Variants in KATNIP observed in about 807,000 individuals in gnomAD.
KATNIP encodes katanin interacting protein, also known as katanin-interacting protein.
In KATNIP, 126 loss-of-function variants were observed where a neutral mutation model predicts 174.0. The ratio of observed to expected loss-of-function variants is 0.72; its 90% CI spans 0.63 to 0.84. The LOEUF is 0.84. Ranked by LOEUF, KATNIP falls within the 40% of genes least tolerant of loss-of-function variation. The pLI is 0.00. For missense variants in KATNIP, 1,958 were observed against 2,109.7 expected, an observed-to-expected ratio of 0.93 and a Z score of 1.41; for synonymous variants, 810 against 835.7, an observed-to-expected ratio of 0.97 and a Z score of 0.53.
At chr16:27,680,340 G>A (rs186225441) in intron 7 of KATNIP, among the ~76,000 whole-genome samples, 1,847 of 152,234 alleles carry the variant, frequency 0.012, 50 homozygotes, top group African/African-American at 0.042. Flanking sequence ...CAGGGGAGAC[G>A]GGGAGGGAGG....
At chr16:27,678,359 C>T (rs1338121744) in intron 7 of KATNIP, among the ~76,000 whole-genome samples, 1 of 151,984 alleles carries the variant, frequency 6.6e-6, no homozygotes, top group East Asian at 1.9e-4. Context: ...CATTTTCTCC[C>T]CTCTCCCTCT....
intron 3 of KATNIP, among the ~76,000 whole-genome samples, chr16:27,621,364 C>A (rs551582678): frequency 4.6e-5 from 7 of 152,048 alleles, no homozygotes; most frequent in East Asian, 1.9e-4. Flanking sequence ...TAATCAAAAT[C>A]GACTATTCTC....
chr16:27,635,944 A>G (rs1191817290), intron 5 of KATNIP, among the ~76,000 whole-genome samples: 1 of 152,190 alleles, frequency 6.6e-6, no homozygotes, highest in Admixed American at 6.5e-5. Context: ...ACCTGAGCTC[A>G]GGAGTTCAAG....
At chr16:27,602,389 C>T (rs1176555117) in intron 2 of KATNIP, among the ~76,000 whole-genome samples, 1 of 152,328 alleles carries the variant, frequency 6.6e-6, no homozygotes, top group Admixed American at 6.5e-5. Flanking sequence ...TCTCCTCCCA[C>T]TCCCCTGCCT....
At chr16:27,687,478 A>C (rs1275571305) in intron 8 of KATNIP, 1 of 152,022 alleles carries the variant, frequency 6.6e-6, no homozygotes, top group African/African-American at 2.4e-5. Flanking sequence ...TAAGCCCATA[A>C]AATTGAATTT....
intron 8 of KATNIP, among the ~76,000 whole-genome samples, chr16:27,692,927 T>C (rs892809384): frequency 6.6e-6 from 1 of 152,196 alleles, no homozygotes; most frequent in Non-Finnish European, 1.5e-5. Context: ...GATAACTCAT[T>C]TCTGCGTTAG....
At chr16:27,691,444 C>A (rs1316486702) in intron 8 of KATNIP, among the ~76,000 whole-genome samples, 1 of 152,156 alleles carries the variant, frequency 6.6e-6, no homozygotes, top group African/African-American at 2.4e-5. Context: ...GTGAATAGAT[C>A]CACCATCCTC....
At chr16:27,584,492 TTG>T (rs1335349723) in intron 2 of KATNIP, among the ~76,000 whole-genome samples, 16 of 152,168 alleles carry the variant, frequency 1.1e-4, no homozygotes, top group African/African-American at 3.9e-4. Context: ...GACAGCACAA[TTG>T]TTAAAAATTA....
At chr16:27,750,790 C>T (rs1487207298) in intron 16 of KATNIP, among the ~76,000 whole-genome samples, 1 of 137,746 alleles carries the variant, frequency 7.3e-6, no homozygotes, top group Non-Finnish European at 1.5e-5. Flanking sequence ...TGCACAGTGG[C>T]ATGGTTTCGG....
chr16:27,691,810 C>T (rs965846894), intron 8 of KATNIP, among the ~76,000 whole-genome samples: 2 of 152,212 alleles, frequency 1.3e-5, no homozygotes, highest in South Asian at 2.1e-4. Context: ...AAATGAAAGA[C>T]GCTCAGGGGC....
At chr16:27,576,882 T>G (rs188378038) in intron 2 of KATNIP, among the ~76,000 whole-genome samples, 249 of 152,186 alleles carry the variant, frequency 1.6e-3, no homozygotes, top group Middle Eastern at 6.8e-3. Context: ...TTTCTCAAGG[T>G]GGTAAGGTGG....
intron 5 of KATNIP, among the ~76,000 whole-genome samples, chr16:27,647,994 T>G (rs2077007938): frequency 6.6e-6 from 1 of 152,054 alleles, no homozygotes; most frequent in Non-Finnish European, 1.5e-5. Flanking sequence ...AGAAGTCTAC[T>G]GATAAAGAAT....
At chr16:27,596,377 T>C (rs1445394467) in intron 2 of KATNIP, among the ~76,000 whole-genome samples, 1 of 152,072 alleles carries the variant, frequency 6.6e-6, no homozygotes, top group Admixed American at 6.6e-5. Context: ...CTGCTTTATC[T>C]CCTGAGATGG....
At position 27,606,772 on chromosome 16, in the gene KATNIP, C is replaced by T. The variant is rs147099498; in HGVS notation, c.64-11653C>T. On this transcript the variant is annotated intron_variant, in intron 2 of 27. Coordinates refer to ENST00000261588, the MANE Select transcript of KATNIP (RefSeq NM_015202.5). ...GTAGAAGTGGGATCTCACTATGTTG[C>T]CCAGGCTGGTCTCGATCTCCTGGGC... is the stretch of plus-strand genomic sequence containing the variant. Among the ~76,000 whole-genome samples, 769 of 151,570 alleles carry T rather than the reference C, an allele frequency of 5.1e-3. 6 individuals are homozygous for T. Among genetic ancestry groups the T allele is most frequent in the Non-Finnish European group, 8.5e-3 (577 of 67,908 alleles).
chr16:27,660,116 C>T (rs1390511533), intron 6 of KATNIP: 1 of 591,442 alleles, frequency 1.7e-6, no homozygotes, highest in Admixed American at 6.3e-5. Flanking sequence ...CATTCTGGGG[C>T]CTTGGCTAAG....
chr16:27,552,376 TC>T (rs2089418374), intron 1 of KATNIP, among the ~76,000 whole-genome samples: 1 of 150,934 alleles, frequency 6.6e-6, no homozygotes, highest in Admixed American at 6.6e-5. Context: ...GTTTCTTTTT[TC>T]TTTTTTTTTT....
At position 27,591,189 on chromosome 16, in the gene KATNIP, C is replaced by CTT. The variant is rs943005312; in HGVS notation, c.63+17246_63+17247dup. 8.3e-5 allele frequency among the ~76,000 whole-genome samples: 12 copies of CTT among 144,234 alleles called. 1 individual carries two copies. Among genetic ancestry groups the CTT allele is most frequent in the Admixed American group, 7.0e-4 (10 of 14,352 alleles). The allele number at this position is 144,234 out of a possible 152,430, so 94.6% of individuals were successfully genotyped here. On this transcript the variant is annotated intron_variant, in intron 2 of 27. Coordinates refer to ENST00000261588, the MANE Select transcript of KATNIP (RefSeq NM_015202.5). ...ATAGGAATGGAGTTGCACTTTCTTT[C>CTT]TTTTTTTTTTTTTTGAGACGGAGTC...
At chr16:27,610,543 G>A (rs1325512083) in intron 2 of KATNIP, among the ~76,000 whole-genome samples, 1 of 152,150 alleles carries the variant, frequency 6.6e-6, no homozygotes, top group Non-Finnish European at 1.5e-5. Context: ...TTAAATGGGT[G>A]TTCTCAGGAC....
Position 27,749,679 on chromosome 16 carries a change from G to C in KATNIP, c.2719G>C (p.Asp907His), listed in dbSNP as rs374321802. ...GTCATGGAGCTCCCTCAGTGCCTTC[G>C]ACCGCTCCCACCGGGGACGCATCTC... is the stretch of plus-strand genomic sequence containing the variant. The part of the protein sequence containing the change: ...HESWSSLSAF[D>H]RSHRGRISNT... Residue 907 changes from aspartate (D) to histidine (H), a missense_variant, in exon 16 of 28, where the codon GAC becomes CAC. Transcript: ENST00000261588. The C allele has an allele frequency of 2.5e-6, 4 of 1,612,550 alleles. No homozygotes were observed. Among genetic ancestry groups the C allele is most frequent in the Non-Finnish European group, 3.4e-6 (4 of 1,179,244 alleles).
Sources: gnomAD v4.1 joint callset for allele counts (sites outside exome capture counted in the v4.1 genomes callset) on GRCh38, gnomAD v4.1.1 for gene constraint, MANE v1.5 for transcripts, NCBI Gene and HGNC (gene_info 2026-07-23, HGNC 2026-07-21) for gene names.